FNDC3B: variants seen among roughly 807,000 people sequenced by gnomAD.
FNDC3B encodes fibronectin type III domain-containing protein 3B.
In FNDC3B, 12 loss-of-function variants were observed where a neutral mutation model predicts 151.5. The observed-to-expected ratio is 0.08, with a 90% CI of 0.05 to 0.13. The LOEUF (loss-of-function observed/expected upper bound fraction) is 0.13. Among genes scored for constraint, FNDC3B ranks in the 10% least tolerant of loss-of-function variants. FNDC3B has a pLI of 1.00. For synonymous variants in FNDC3B, 528 were observed against 549.0 expected, an observed-to-expected ratio of 0.96 and a Z score of 0.54; for missense variants, 1,214 against 1,505.3, an observed-to-expected ratio of 0.81 and a Z score of 3.20.
rs541932778 is a variant in FNDC3B, at chr3:172,346,346, T to C, written c.2270T>C (p.Val757Ala). 2 of 1,609,364 alleles carry C rather than the reference T, an allele frequency of 1.2e-6. No individual in the cohort carries two copies. Among genetic ancestry groups the C allele is most frequent in the Non-Finnish European group, 1.7e-6 (2 of 1,175,938 alleles). Reference protein sequence around the residue: ...NDGGYGPYSDVSEITTAAGPP... With the variant: ...NDGGYGPYSDASEITTAAGPP... ...TTTCAGTATGGTCCCTATTCTGATG[T>C]CTCAGAAATTACCACTGCTGCAGGG... is the stretch of plus-strand genomic sequence containing the variant. Residue 757 changes from valine to alanine, a missense_variant, in exon 20 of 26, where the codon GTC becomes GCC. Around this residue, in one of 7 missense-constraint regions of FNDC3B, gnomAD observed 380 missense variants for 420.9 expected, o/e 0.90. Coordinates refer to ENST00000415807, the MANE Select transcript of FNDC3B (RefSeq NM_022763.4).
At chr3:172,116,987 A>G (rs1720291746) in intron 2 of FNDC3B, among the ~76,000 whole-genome samples, 1 of 152,222 alleles carries the variant, frequency 6.6e-6, no homozygotes, top group Non-Finnish European at 1.5e-5. Context: ...TCATGATCTG[A>G]TAGACATCTG....
rs376604677 is a variant in FNDC3B at position 172,397,946 on chromosome 3, C to T, written c.*471C>T. On this transcript the variant is annotated 3_prime_UTR_variant, in exon 26 of 26. Coordinates refer to ENST00000415807, the MANE Select transcript of FNDC3B (RefSeq NM_022763.4). ...TTGTCAGAGTATTACCACACAGCAACAGCAACATACAGAAGATATGTTCAC... is the reference window on the plus strand; with the variant it reads ...TTGTCAGAGTATTACCACACAGCAATAGCAACATACAGAAGATATGTTCAC... The T allele has an allele frequency of 2.0e-5, 3 of 152,578 alleles. No individual in the cohort carries two copies. Among genetic ancestry groups the T allele is most frequent in the African/African-American group, 7.2e-5 (3 of 41,434 alleles). 9.5% of individuals were successfully genotyped at this position (152,578 alleles called of 1,614,324 possible). A position where few individuals can be genotyped will look rare whatever the true frequency, so the allele number is the denominator to read the frequency against.
chr3:172,345,046 T>C (rs1249580430), intron 19 of FNDC3B, among the ~76,000 whole-genome samples: 1 of 152,206 alleles, frequency 6.6e-6, no homozygotes, highest in Non-Finnish European at 1.5e-5. Flanking sequence ...AATTAATTGA[T>C]GATTTTTTAA....
At chr3:172,093,993 C>A (rs1225546748) in intron 1 of FNDC3B, among the ~76,000 whole-genome samples, 1 of 152,184 alleles carries the variant, frequency 6.6e-6, no homozygotes, top group African/African-American at 2.4e-5. Context: ...CGTTATGCAA[C>A]CACCACCACT....
intron 1 of FNDC3B, among the ~76,000 whole-genome samples, chr3:172,057,415 A>C (rs767787188): frequency 8.5e-5 from 13 of 152,226 alleles, no homozygotes; most frequent in Non-Finnish European, 1.6e-4. Context: ...CTTTGAAATG[A>C]CATGGAATGT....
intron 7 of FNDC3B, among the ~76,000 whole-genome samples, chr3:172,293,660 G>A (rs1172387779): frequency 6.6e-6 from 1 of 152,178 alleles, no homozygotes; most frequent in Non-Finnish European, 1.5e-5. Flanking sequence ...GAAGGCTACT[G>A]GGAGGTAGTG....
chr3:172,311,516 C>G (rs1390085633), intron 11 of FNDC3B, among the ~76,000 whole-genome samples: 2 of 152,032 alleles, frequency 1.3e-5, no homozygotes, highest in African/African-American at 4.8e-5. Flanking sequence ...GCCTAGCTAA[C>G]TCTACACACA....
chr3:172,189,834 CAT>C lies in FNDC3B; in HGVS notation c.188-37036_188-37035del, dbSNP rs1724414473. Among the ~76,000 whole-genome samples, 3 of 131,482 alleles carry C rather than the reference CAT, an allele frequency of 2.3e-5. 1 individual carries two copies. The South Asian group carries it at 7.5e-4, about 33-fold the overall frequency. The allele number at this position is 131,482 out of a possible 152,430, so 86.3% of individuals were successfully genotyped here. ...AAAAAAAAAAAAAAAAAAAAAAAAT[CAT>C]GTCATTCAGTCATGTTTTTATTATT... On this transcript the variant is annotated intron_variant, in intron 3 of 25. Transcript: ENST00000415807.
chr3:172,083,979 A>T (rs986731688), intron 1 of FNDC3B, among the ~76,000 whole-genome samples: 3 of 150,436 alleles, frequency 2.0e-5, no homozygotes, highest in Non-Finnish European at 3.0e-5. Flanking sequence ...AGTAAAGGAA[A>T]TTTTTTTTTT....
intron 25 of FNDC3B, among the ~76,000 whole-genome samples, chr3:172,393,110 T>A (rs528588597): frequency 3.3e-5 from 5 of 152,194 alleles, no homozygotes; most frequent in Admixed American, 2.6e-4. Flanking sequence ...GCCATGAATT[T>A]TTTTTTAAGA....
At chr3:172,356,970 G>T (rs902666598) in intron 22 of FNDC3B, among the ~76,000 whole-genome samples, 19 of 152,068 alleles carry the variant, frequency 1.2e-4, no homozygotes, top group African/African-American at 4.3e-4. Context: ...GCTAAGGATG[G>T]TTTGTTTCGA....
intron 8 of FNDC3B, among the ~76,000 whole-genome samples, chr3:172,297,855 A>G (rs939358105): frequency 6.6e-6 from 1 of 152,204 alleles, no homozygotes; most frequent in East Asian, 1.9e-4. Context: ...TTTTTAAAGA[A>G]CCACAGTGTA....
chr3:172,130,834 T>G (rs1005554164), intron 2 of FNDC3B, among the ~76,000 whole-genome samples: 1 of 151,980 alleles, frequency 6.6e-6, no homozygotes, highest in Non-Finnish European at 1.5e-5. Context: ...GGACATAGAG[T>G]CTTGGCATCC....
At chr3:172,043,210 CCCGG>C (rs1716180831) in intron 1 of FNDC3B, among the ~76,000 whole-genome samples, 1 of 152,232 alleles carries the variant, frequency 6.6e-6, no homozygotes, top group African/African-American at 2.4e-5. Context: ...AGCCACCACA[CCCGG>C]ACTAAGTTTT....
At chr3:172,232,391 C>T (rs35898760) in intron 4 of FNDC3B, among the ~76,000 whole-genome samples, 24,937 of 152,170 alleles carry the variant, frequency 0.16, 2,691 homozygotes, top group Non-Finnish European at 0.23. Context: ...TAATAAACTC[C>T]TGAAGTTTAA....
intron 3 of FNDC3B, among the ~76,000 whole-genome samples, chr3:172,144,303 C>T (rs896469790): frequency 2.6e-5 from 4 of 152,170 alleles, no homozygotes; most frequent in African/African-American, 7.2e-5. Flanking sequence ...AATCCAGTCA[C>T]CTCCCAGCAG....
Position 172,373,972 on chromosome 3 carries a change from A to G in FNDC3B, c.3009-4298A>G, listed in dbSNP as rs80272736. Among the ~76,000 whole-genome samples the G allele has an allele frequency of 7.7e-3, 1,174 of 152,374 alleles. 24 individuals are homozygous for G. Among genetic ancestry groups the G allele is most frequent in the African/African-American group, 0.027 (1,127 of 41,580 alleles). On this transcript the variant is annotated intron_variant, in intron 23 of 25. Coordinates refer to ENST00000415807, the MANE Select transcript of FNDC3B (RefSeq NM_022763.4). ...ACATTACTGTCAGCATGTACATTTC[A>G]TGCTAGGGTTTACCAGAAAGAAACT...
At chr3:172,055,139 G>A (rs1188262369) in intron 1 of FNDC3B, among the ~76,000 whole-genome samples, 1 of 151,988 alleles carries the variant, frequency 6.6e-6, no homozygotes, top group Non-Finnish European at 1.5e-5. Flanking sequence ...GAGTCTCTTC[G>A]GAAGTTCATC....
At chr3:172,270,898 T>C (rs73029379) in intron 6 of FNDC3B, among the ~76,000 whole-genome samples, 9,303 of 152,326 alleles carry the variant, frequency 0.061, 757 homozygotes, top group African/African-American at 0.18. Context: ...GTTCATTATG[T>C]GTGCTTGAAT....
Sources: allele counts gnomAD v4.1 joint callset (sites outside exome capture counted in the v4.1 genomes callset), GRCh38; gene constraint gnomAD v4.1.1; regional missense constraint gnomAD v4.1.1; transcripts MANE v1.5; gene names NCBI Gene and HGNC (gene_info 2026-07-23, HGNC 2026-07-21).